The following KIF16B variants were observed in gnomAD, a reference collection of about 807,000 sequenced individuals.
KIF16B encodes kinesin-like protein KIF16B.
KIF16B carries 98 observed loss-of-function variants against 156.3 expected under a neutral mutation model. The ratio of observed to expected loss-of-function variants is 0.63; its 90% CI spans 0.53 to 0.74. The LOEUF is 0.74. Among genes scored for constraint, KIF16B ranks in the 30% least tolerant of loss-of-function variants. KIF16B has a pLI of 0.00. For missense variants in KIF16B, 1,421 were observed against 1,606.5 expected (o/e 0.88, Z 1.97); for synonymous variants, 564 against 583.7 (o/e 0.97, Z 0.49).
intron 1 of KIF16B, among the ~76,000 whole-genome samples, chr20:16,534,925 A>AGGT (rs1266680143): frequency 6.6e-6 from 1 of 152,174 alleles, no homozygotes; most frequent in African/African-American, 2.4e-5. Flanking sequence ...TTTTGAAGTC[A>AGGT]GGTAGTATGA....
intron 12 of KIF16B, among the ~76,000 whole-genome samples, chr20:16,469,721 G>T (rs1249833445): frequency 1.3e-5 from 2 of 152,180 alleles, no homozygotes; most frequent in African/African-American, 4.8e-5. Context: ...CTCACTGCTG[G>T]TGGGAATGCA....
chr20:16,482,635 A>G (rs902588321), intron 12 of KIF16B, among the ~76,000 whole-genome samples: 8 of 152,176 alleles, frequency 5.3e-5, no homozygotes, highest in Non-Finnish European at 1.2e-4. Flanking sequence ...CTCTCCTGTA[A>G]TGGAATGTTC....
chr20:16,386,051 T>C (rs1288234401), intron 17 of KIF16B, among the ~76,000 whole-genome samples: 1 of 152,142 alleles, frequency 6.6e-6, no homozygotes, highest in African/African-American at 2.4e-5. Context: ...GCACGAAACA[T>C]TCAACGAGCT....
chr20:16,313,474 GGAA>G (rs2063651594), intron 24 of KIF16B, among the ~76,000 whole-genome samples: 1 of 152,054 alleles, frequency 6.6e-6, no homozygotes, highest in Non-Finnish European at 1.5e-5. Context: ...ATATCACAAG[GGAA>G]GAACTGGATG....
chr20:16,343,309 C>T (rs1021647978), intron 23 of KIF16B, among the ~76,000 whole-genome samples: 1 of 152,152 alleles, frequency 6.6e-6, no homozygotes, highest in African/African-American at 2.4e-5. Context: ...ATGTTATATA[C>T]TTATTTTGCT....
intron 17 of KIF16B, among the ~76,000 whole-genome samples, chr20:16,390,041 G>A (rs1365829722): frequency 1.3e-5 from 2 of 152,166 alleles, no homozygotes; most frequent in African/African-American, 2.4e-5. Context: ...TATCAAGATG[G>A]GGGTGGGATA....
Position 16,374,385 on chromosome 20 carries a change from C to T in KIF16B, c.3222G>A (p.Leu1074=). The T allele has an allele frequency of 1.3e-6, 2 of 1,588,690 alleles. No individual in the cohort carries two copies. The highest frequency in any genetic ancestry group is 1.7e-6 in the Non-Finnish European group (2 of 1,165,170). Residue 1074 remains leucine (L), a synonymous_variant, in exon 20 of 26, where the codon CTG becomes CTA. Coordinates refer to ENST00000354981, the MANE Select transcript of KIF16B (RefSeq NM_024704.5). ...CATCGACCTCATAAATCTTCTGTTT[C>T]AGCTGCTGGATTTCATATTCTAACC... is the stretch of plus-strand genomic sequence containing the variant. ...QERLEYEIQQ[L]KQKIYEVDGV...
At chr20:16,414,424 A>G (rs2066035808) in intron 15 of KIF16B, among the ~76,000 whole-genome samples, 1 of 152,156 alleles carries the variant, frequency 6.6e-6, no homozygotes, top group South Asian at 2.1e-4. Flanking sequence ...TACCTTATCA[A>G]AAAGCTACGT....
chr20:16,274,538 T>C (rs1370843833), intron 25 of KIF16B, among the ~76,000 whole-genome samples: 3 of 152,238 alleles, frequency 2.0e-5, no homozygotes, highest in African/African-American at 7.2e-5. Context: ...AAACCTTTAT[T>C]ATTGTCTCAG....
intron 12 of KIF16B, among the ~76,000 whole-genome samples, chr20:16,470,621 C>T (rs554681293): frequency 6.6e-6 from 1 of 151,784 alleles, no homozygotes; most frequent in Non-Finnish European, 1.5e-5. Context: ...GCAGCTGGAA[C>T]TACAGGCATG....
At chr20:16,314,843 T>C (rs2063673338) in intron 24 of KIF16B, among the ~76,000 whole-genome samples, 1 of 152,020 alleles carries the variant, frequency 6.6e-6, no homozygotes, top group African/African-American at 2.4e-5. Flanking sequence ...CTGGACTCAG[T>C]GGCACAAACA....
chr20:16,560,636 T>C (rs1484034764), intron 1 of KIF16B, among the ~76,000 whole-genome samples: 1 of 151,994 alleles, frequency 6.6e-6, no homozygotes, highest in African/African-American at 2.4e-5. Context: ...GTGAAACCCC[T>C]TGTCTAAAAG....
intron 12 of KIF16B, among the ~76,000 whole-genome samples, chr20:16,465,776 A>C (rs888169779): frequency 4.6e-5 from 7 of 152,174 alleles, no homozygotes; most frequent in Non-Finnish European, 1.5e-5. Context: ...TTAAAAAAAA[A>C]AAAATTATAT....
chr20:16,323,140 C>T (rs1209420159), intron 24 of KIF16B, among the ~76,000 whole-genome samples: 1 of 151,954 alleles, frequency 6.6e-6, no homozygotes, highest in African/African-American at 2.4e-5. Context: ...TAAAAGTGTA[C>T]TCTGTTGTCA....
chr20:16,504,602 C>G (rs1239945374), intron 9 of KIF16B, 55 bp from the exon 10 acceptor site: 1 of 1,513,048 alleles, frequency 6.6e-7, no homozygotes, highest in Non-Finnish European at 9.1e-7. Context: ...TTCCATTTAA[C>G]ACAAAGTTGG....
At chr20:16,568,922 ATGTT>A (rs2122194102) in intron 1 of KIF16B, among the ~76,000 whole-genome samples, 1 of 146,862 alleles carries the variant, frequency 6.8e-6, no homozygotes, top group East Asian at 2.2e-4. Context: ...TATGATCTGA[ATGTT>A]TGTCTCCCCC....
At chr20:16,514,885 CAAAAAAAAAA>C (rs10564862) in intron 4 of KIF16B, among the ~76,000 whole-genome samples, 25 of 60,756 alleles carry the variant, frequency 4.1e-4, no homozygotes, top group African/African-American at 1.4e-3. Flanking sequence ...GATTCCATCT[CAAAAAAAAAA>C]AAAAAAAAAA....
chr20:16,479,558 A>C (rs765452793), intron 12 of KIF16B, among the ~76,000 whole-genome samples: 42 of 152,204 alleles, frequency 2.8e-4, no homozygotes, highest in Admixed American at 1.2e-3. Context: ...CAAACAAAAA[A>C]ATATACAGTT....
chr20:16,298,903 G>GTAA (rs1484624103), intron 25 of KIF16B, among the ~76,000 whole-genome samples: 2 of 119,898 alleles, frequency 1.7e-5, no homozygotes, highest in Non-Finnish European at 3.8e-5. Context: ...TAAATGGTGA[G>GTAA]TAATAAAAAA....
Sources: gnomAD v4.1 joint callset for allele counts (sites outside exome capture counted in the v4.1 genomes callset) on GRCh38, gnomAD v4.1.1 for gene constraint, MANE v1.5 for transcripts, NCBI Gene and HGNC (gene_info 2026-07-23, HGNC 2026-07-21) for gene names.